TENM3: variants seen among roughly 807,000 people sequenced by gnomAD.
The protein encoded by TENM3 is teneurin-3.
Under a neutral mutation model 255.1 loss-of-function variants are expected in TENM3, and 63 were observed. The observed-to-expected ratio is 0.25, with a 90% CI of 0.20 to 0.30. The LOEUF is 0.30. Among genes scored for constraint, TENM3 ranks in the 10% least tolerant of loss-of-function variants. The pLI is 1.00. For synonymous variants in TENM3, 1,306 were observed against 1,322.3 expected (o/e 0.99, Z 0.27); for missense variants, 2,929 against 3,461.1 (o/e 0.85, Z 3.86).
chr4:181,919,374 G>GGTGTGT, the TENM3 span, among the ~76,000 whole-genome samples: 1,635 of 146,810 alleles, frequency 0.011, 21 homozygotes, highest in African/African-American at 0.025. Flanking sequence ...AAGCAAAGCA[G>GGTGTGT]GTGTGTGTGT....
At chr4:182,669,402 T>C (rs1326288726) in intron 6 of TENM3, among the ~76,000 whole-genome samples, 1 of 152,062 alleles carries the variant, frequency 6.6e-6, no homozygotes, top group Non-Finnish European at 1.5e-5. Context: ...CCCGAGTAGC[T>C]GGGACTACAG....
chr4:181,668,091 C>T, the TENM3 span, among the ~76,000 whole-genome samples: 2 of 152,160 alleles, frequency 1.3e-5, no homozygotes, highest in Non-Finnish European at 2.9e-5. Context: ...CCCAATGCAT[C>T]CCAAGTGCCT....
intron 1 of TENM3, among the ~76,000 whole-genome samples, chr4:182,287,532 C>T (rs1455012893): frequency 6.6e-6 from 1 of 152,204 alleles, no homozygotes; most frequent in African/African-American, 2.4e-5. Flanking sequence ...TCCTGACCAG[C>T]CTAGGACAAG....
chr4:182,574,495 C>G (rs1459994568), intron 3 of TENM3, among the ~76,000 whole-genome samples: 2 of 152,058 alleles, frequency 1.3e-5, no homozygotes, highest in Non-Finnish European at 2.9e-5. Context: ...AATGAATTCT[C>G]CTGAGCCACT....
rs1770306228 is a variant in TENM3, at chr4:182,415,597, TGTAAA to T, written c.511+68673_511+68677del. Among the ~76,000 whole-genome samples the T allele has an allele frequency of 2.6e-5, 4 of 152,298 alleles. No individual in the cohort carries two copies. In the South Asian group the frequency reaches 8.3e-4, roughly 32 times the overall value. ...AATTGCATTAAAAATTTTAAACTAA[TGTAAA>T]GTAAGCTTTATTAGCTTAGAGGCAT... On this transcript the variant is annotated intron_variant, in intron 3 of 27. Transcript: ENST00000511685.
the TENM3 span, among the ~76,000 whole-genome samples, chr4:182,135,969 A>C: frequency 6.6e-6 from 1 of 152,208 alleles, no homozygotes; most frequent in Admixed American, 6.5e-5. Context: ...ACTGTCATTA[A>C]ATTCAAGGAA....
At chr4:182,625,499 T>C (rs7655940) in intron 4 of TENM3, among the ~76,000 whole-genome samples, 5,593 of 152,262 alleles carry the variant, frequency 0.037, 122 homozygotes, top group Middle Eastern at 0.075. Context: ...CCCCTATTCC[T>C]GGTCCAGGGA....
At chr4:182,024,389 T>C in the TENM3 span, among the ~76,000 whole-genome samples, 1 of 152,332 alleles carries the variant, frequency 6.6e-6, no homozygotes, top group Non-Finnish European at 1.5e-5. Flanking sequence ...AAATATTTAC[T>C]ACCTGTTATG....
intron 7 of TENM3, among the ~76,000 whole-genome samples, chr4:182,678,974 C>T (rs529666493): frequency 8.5e-5 from 13 of 152,242 alleles, no homozygotes; most frequent in East Asian, 5.8e-4. Flanking sequence ...GAAAACCAAA[C>T]GCCGCATGTT....
chr4:181,972,804 A>G, the TENM3 span, among the ~76,000 whole-genome samples: 1 of 152,250 alleles, frequency 6.6e-6, no homozygotes, highest in African/African-American at 2.4e-5. Context: ...GTTGATCTAC[A>G]GAAAATAAGG....
At chr4:182,571,656 A>G (rs866416242) in intron 3 of TENM3, among the ~76,000 whole-genome samples, 11 of 152,380 alleles carry the variant, frequency 7.2e-5, no homozygotes, top group Middle Eastern at 6.8e-3. Flanking sequence ...TAATTGGATT[A>G]GATTTTCCTG....
the TENM3 span, among the ~76,000 whole-genome samples, chr4:181,868,729 G>T: frequency 6.6e-6 from 1 of 152,258 alleles, no homozygotes; most frequent in African/African-American, 2.4e-5. Context: ...GTTTCTCAAA[G>T]CAACCAAGAA....
At chr4:182,066,512 T>TA in the TENM3 span, among the ~76,000 whole-genome samples, 4 of 151,856 alleles carry the variant, frequency 2.6e-5, no homozygotes, top group Non-Finnish European at 5.9e-5. Context: ...GAATGGAGGC[T>TA]AAAAAAATTC....
intron 3 of TENM3, among the ~76,000 whole-genome samples, chr4:182,372,815 G>A (rs537823476): frequency 1.6e-4 from 25 of 152,246 alleles, no homozygotes; most frequent in Non-Finnish European, 2.9e-4. Flanking sequence ...TGCAGCCTCT[G>A]CCTCCCAGGC....
rs554222347 is a variant in TENM3 at position 182,578,874 on chromosome 4, G to A, written c.512-22050G>A. Reference sequence around the variant, plus strand: ...TGGAAATCTCCAGTCTTCCTGCTTTGACTTTGCTAACTGTGCTTCTCTTCA... The same window carrying A: ...TGGAAATCTCCAGTCTTCCTGCTTTAACTTTGCTAACTGTGCTTCTCTTCA... On this transcript the variant is annotated intron_variant, in intron 3 of 27. Transcript: ENST00000511685. Among the ~76,000 whole-genome samples, 3 of 152,292 alleles carry A rather than the reference G, an allele frequency of 2.0e-5. No homozygotes were observed. The South Asian group carries it at 6.2e-4, about 32-fold the overall frequency.
chr4:182,441,069 C>A (rs1772441877), intron 3 of TENM3, among the ~76,000 whole-genome samples: 1 of 151,938 alleles, frequency 6.6e-6, no homozygotes. Context: ...TTTTTTTTAA[C>A]CAAATAAATT....
chr4:182,389,748 C>A (rs1381386901), intron 3 of TENM3, among the ~76,000 whole-genome samples: 1 of 138,294 alleles, frequency 7.2e-6, no homozygotes, highest in African/African-American at 2.7e-5. Context: ...TGCAGTGGCG[C>A]GATCTCGGCT....
intron 3 of TENM3, among the ~76,000 whole-genome samples, chr4:182,536,544 C>T (rs1740341712): frequency 6.6e-6 from 1 of 152,244 alleles, no homozygotes; most frequent in South Asian, 2.1e-4. Flanking sequence ...GCAAAAAGTA[C>T]ACACTTTTTT....
chr4:182,397,398 T>TAAAAAAA lies in TENM3; in HGVS notation c.511+50494_511+50500dup, dbSNP rs144177808. Among the ~76,000 whole-genome samples, 74 of 48,978 alleles carry TAAAAAAA rather than the reference T, an allele frequency of 1.5e-3. 4 individuals are homozygous for TAAAAAAA. The highest frequency in any genetic ancestry group is 0.019 in the Middle Eastern group (1 of 54). The allele number at this position is 48,978 out of a possible 152,430, so 32.1% of individuals were successfully genotyped here. A position where few individuals can be genotyped will look rare whatever the true frequency, so the allele number is the denominator to read the frequency against. ...CCTGGTGACAGAGCGAGACTCCATC[T>TAAAAAAA]AAAAAAAAAAAAAAAAAAAAAAAAA... On this transcript the variant is annotated intron_variant, in intron 3 of 27. Coordinates refer to ENST00000511685, the MANE Select transcript of TENM3 (RefSeq NM_001080477.4).
Sources: gnomAD v4.1 joint callset for allele counts (sites outside exome capture counted in the v4.1 genomes callset) on GRCh38, gnomAD v4.1.1 for gene constraint, MANE v1.5 for transcripts, NCBI Gene and HGNC (gene_info 2026-07-23, HGNC 2026-07-21) for gene names.